AGBL4: variants seen among roughly 807,000 people sequenced by gnomAD.
The protein encoded by AGBL4 is cytosolic carboxypeptidase 6.
Under a neutral mutation model 66.4 loss-of-function variants are expected in AGBL4, and 58 were observed. That is an observed-to-expected ratio of 0.87 (90% CI 0.71 to 1.09). The LOEUF (loss-of-function observed/expected upper bound fraction) is 1.09. Ranked by LOEUF, AGBL4 falls within the 50% of genes least tolerant of loss-of-function variation. The pLI, the probability that AGBL4 is intolerant of heterozygous loss-of-function variation, is 0.00. For synonymous variants in AGBL4, 234 were observed against 222.9 expected (o/e 1.05, Z -0.44); for missense variants, 579 against 631.0 (o/e 0.92, Z 0.88).
At chr1:49,043,076 A>T (rs1167901776) in intron 5 of AGBL4, among the ~76,000 whole-genome samples, 1 of 152,174 alleles carries the variant, frequency 6.6e-6, no homozygotes, top group Non-Finnish European at 1.5e-5. Context: ...ATCGCAATTC[A>T]TATGTCTGGT....
chr1:49,672,466 C>T (rs1646496819), intron 3 of AGBL4, among the ~76,000 whole-genome samples: 1 of 150,890 alleles, frequency 6.6e-6, no homozygotes, highest in Non-Finnish European at 1.5e-5. Context: ...ATGTAATAAA[C>T]CTTCACATAT....
intron 6 of AGBL4, among the ~76,000 whole-genome samples, chr1:48,664,961 T>C (rs557278491): frequency 6.6e-6 from 1 of 152,356 alleles, no homozygotes; most frequent in Non-Finnish European, 1.5e-5. Context: ...TTAATAGGAT[T>C]TCTCCTTCTG....
intron 4 of AGBL4, among the ~76,000 whole-genome samples, chr1:49,055,611 A>G (rs1270285939): frequency 6.6e-6 from 1 of 152,124 alleles, no homozygotes; most frequent in African/African-American, 2.4e-5. Context: ...ACATATTAGA[A>G]AAAATATTCT....
chr1:49,101,863 T>C (rs1645208499), intron 4 of AGBL4, among the ~76,000 whole-genome samples: 1 of 152,174 alleles, frequency 6.6e-6, no homozygotes, highest in Non-Finnish European at 1.5e-5. Flanking sequence ...GGAAGTACTA[T>C]GTTCCCCCGT....
chr1:48,973,727 A>G (rs762105376), intron 5 of AGBL4, among the ~76,000 whole-genome samples: 6 of 152,140 alleles, frequency 3.9e-5, no homozygotes, highest in Admixed American at 6.6e-5. Flanking sequence ...CCCCCTAGAC[A>G]TATCTTACTG....
chr1:49,739,346 G>C (rs1198690233), intron 2 of AGBL4, among the ~76,000 whole-genome samples: 1 of 152,084 alleles, frequency 6.6e-6, no homozygotes, highest in Non-Finnish European at 1.5e-5. Context: ...GAGAAGAGAA[G>C]TTTAGAGAAA....
intron 2 of AGBL4, among the ~76,000 whole-genome samples, chr1:49,747,623 G>T (rs1471308670): frequency 6.6e-6 from 1 of 152,000 alleles, no homozygotes; most frequent in African/African-American, 2.4e-5. Flanking sequence ...ACTAATCAGA[G>T]ATCTTCTAAA....
chr1:49,423,504 T>C (rs1256891628), intron 3 of AGBL4, among the ~76,000 whole-genome samples: 1 of 152,040 alleles, frequency 6.6e-6, no homozygotes, highest in Non-Finnish European at 1.5e-5. Flanking sequence ...AGAAAAGATA[T>C]CCAGCAATTA....
At chr1:49,725,736 G>A (rs1039470710) in intron 2 of AGBL4, among the ~76,000 whole-genome samples, 12 of 145,004 alleles carry the variant, frequency 8.3e-5, no homozygotes, top group African/African-American at 3.1e-4. Flanking sequence ...CGAGGCTGGA[G>A]TGCAGAGGCG....
chr1:49,764,544 A>G (rs542989866), intron 2 of AGBL4, among the ~76,000 whole-genome samples: 54 of 152,096 alleles, frequency 3.6e-4, no homozygotes, highest in African/African-American at 1.2e-3. Flanking sequence ...GTCCTTTAGG[A>G]TTCATATATG....
At chr1:49,824,313 T>C (rs1025343566) in intron 2 of AGBL4, among the ~76,000 whole-genome samples, 2 of 152,088 alleles carry the variant, frequency 1.3e-5, no homozygotes, top group South Asian at 2.1e-4. Context: ...AAGTACAGGA[T>C]ATGGTTCTTG....
intron 6 of AGBL4, among the ~76,000 whole-genome samples, chr1:48,857,929 T>C (rs1208522884): frequency 2.0e-5 from 3 of 152,128 alleles, no homozygotes; most frequent in Admixed American, 6.5e-5. Flanking sequence ...ATACATCTGA[T>C]AAAATAGTAT....
At chr1:49,235,142 C>T (rs1218516373) in intron 4 of AGBL4, among the ~76,000 whole-genome samples, 1 of 152,112 alleles carries the variant, frequency 6.6e-6, no homozygotes, top group Non-Finnish European at 1.5e-5. Flanking sequence ...TCTTTGTGTG[C>T]AAAATAAAGG....
At chr1:49,140,965 T>C (rs1646106220) in intron 4 of AGBL4, among the ~76,000 whole-genome samples, 1 of 152,088 alleles carries the variant, frequency 6.6e-6, no homozygotes, top group Non-Finnish European at 1.5e-5. Context: ...CTTTTAAAGG[T>C]GGGTGCCATT....
At chr1:49,349,075 A>G (rs1383032684) in intron 3 of AGBL4, among the ~76,000 whole-genome samples, 7 of 152,214 alleles carry the variant, frequency 4.6e-5, no homozygotes, top group Non-Finnish European at 1.0e-4. Flanking sequence ...TAATTTTCAC[A>G]TGGCATCCTC....
intron 6 of AGBL4, among the ~76,000 whole-genome samples, chr1:48,743,259 G>C (rs1279653148): frequency 1.3e-5 from 2 of 152,122 alleles, no homozygotes; most frequent in African/African-American, 2.4e-5. Context: ...ATCTAGACTG[G>C]AGCATTTGAA....
At chr1:49,949,365 C>A (rs921390947) in intron 1 of AGBL4, among the ~76,000 whole-genome samples, 1 of 151,632 alleles carries the variant, frequency 6.6e-6, no homozygotes, top group African/African-American at 2.4e-5. Flanking sequence ...AGATAAATAG[C>A]TGGACTTAAT....
intron 2 of AGBL4, among the ~76,000 whole-genome samples, chr1:49,743,048 A>G (rs1429934452): frequency 6.6e-6 from 1 of 152,220 alleles, no homozygotes; most frequent in South Asian, 2.1e-4. Context: ...AAAATTGACA[A>G]ATGGGATCTA....
chr1:49,445,328 T>C (rs1646130066), intron 3 of AGBL4, among the ~76,000 whole-genome samples: 1 of 152,126 alleles, frequency 6.6e-6, no homozygotes, highest in South Asian at 2.1e-4. Flanking sequence ...AGAAGAATTT[T>C]TTAAATATTG....
Sources: allele counts gnomAD v4.1 joint callset (sites outside exome capture counted in the v4.1 genomes callset), GRCh38; gene constraint gnomAD v4.1.1; transcripts MANE v1.5; gene names NCBI Gene and HGNC (gene_info 2026-07-23, HGNC 2026-07-21).